Variants in LRIG1 observed in about 807,000 individuals in gnomAD.
LRIG1 encodes the protein leucine rich repeats and immunoglobulin like domains 1.
A neutral mutation model predicts 99.2 loss-of-function variants in LRIG1; 48 were observed. That is an observed-to-expected ratio of 0.48 (90% CI 0.38 to 0.62). The LOEUF (loss-of-function observed/expected upper bound fraction) is 0.62, where lower values mean the gene tolerates loss of function less well. LRIG1 is among the 20% of genes least tolerant of loss of function. The pLI is 0.00. For missense variants in LRIG1, 1,646 were observed against 1,434.4 expected, an observed-to-expected ratio of 1.15 and a Z score of -2.38; for synonymous variants, 772 against 596.1, an observed-to-expected ratio of 1.29 and a Z score of -4.30.
chr3:66,411,673 C>T (rs1342946896), intron 6 of LRIG1, among the ~76,000 whole-genome samples: 3 of 152,102 alleles, frequency 2.0e-5, no homozygotes, highest in South Asian at 4.1e-4. Context: ...GGGCCTAGCT[C>T]GTTTCCACTG....
intron 11 of LRIG1, among the ~76,000 whole-genome samples, chr3:66,395,609 G>A (rs536058907): frequency 2.5e-4 from 38 of 152,336 alleles, no homozygotes; most frequent in African/African-American, 7.9e-4. Context: ...CAGCATGAGA[G>A]TTTGCATTTT....
intron 3 of LRIG1, among the ~76,000 whole-genome samples, chr3:66,426,570 A>G (rs1395979837): frequency 6.6e-6 from 1 of 152,210 alleles, no homozygotes; most frequent in Non-Finnish European, 1.5e-5. Context: ...TCCAGTGCCC[A>G]TGTCAGACAT....
At chr3:66,434,766 A>C (rs531111123) in intron 3 of LRIG1, among the ~76,000 whole-genome samples, 9 of 151,704 alleles carry the variant, frequency 5.9e-5, no homozygotes, top group South Asian at 2.1e-4. Flanking sequence ...AAAAAAAAAA[A>C]AAAAAAAACA....
At position 66,398,151 on chromosome 3, in the gene LRIG1, T is replaced by G. The variant is rs781498429; in HGVS notation, c.1265A>C (p.Gln422Pro). ...CTTCATCTTCACAAAGGCATCAAAC[T>G]GGACAGATCTGATCGCATTCCCTCC... The part of the protein sequence containing the change: ...NLGGNAIRSV[Q>P]FDAFVKMKNL... The change falls in exon 11 of 19, where the codon CAG becomes CCG. Residue 422 changes from glutamine to proline, a missense_variant. Gln to Pro is a moderately conservative substitution (Grantham distance 76, BLOSUM62 -1). Transcript: ENST00000273261. 3.9e-5 allele frequency: 63 copies of G among 1,614,002 alleles called. No homozygotes were observed. In the East Asian group the frequency reaches 1.3e-3, roughly 34 times the overall value.
In LRIG1 at chr3:66,386,785, A is replaced by G. The variant is rs1289963718; in HGVS notation, c.1469-484T>C. The G allele has an allele frequency of 1.9e-5, 3 of 154,166 alleles. No individual in the cohort carries two copies. In the East Asian group the frequency reaches 5.8e-4, roughly 30 times the overall value. 9.5% of individuals were successfully genotyped at this position (154,166 alleles called of 1,614,324 possible). A position where few individuals can be genotyped will look rare whatever the true frequency, so the allele number is the denominator to read the frequency against. ...AACACCTGGAAAAATGGTCAAAAGC[A>G]ACTTTTTCAGAATTCTGGAAAACCA... On this transcript the variant is annotated intron_variant, in intron 12 of 18. Transcript: ENST00000273261.
chr3:66,407,689 G>C (rs1331690957), intron 7 of LRIG1, among the ~76,000 whole-genome samples, 198 bp from the exon 8 acceptor site: 1 of 152,218 alleles, frequency 6.6e-6, no homozygotes, highest in South Asian at 2.1e-4. Context: ...AAACTCATCA[G>C]TGCCCAACAC....
At chr3:66,482,149 G>T (rs758476682) in intron 1 of LRIG1, among the ~76,000 whole-genome samples, 91 of 152,260 alleles carry the variant, frequency 6.0e-4, no homozygotes, top group Non-Finnish European at 1.1e-3. Flanking sequence ...GATCAACAGA[G>T]CCACTGCAAC....
At chr3:66,424,931 A>G (rs1227176575) in intron 3 of LRIG1, among the ~76,000 whole-genome samples, 1 of 152,244 alleles carries the variant, frequency 6.6e-6, no homozygotes, top group Admixed American at 6.5e-5. Context: ...GAGTGTTCTG[A>G]GCACATTTAA....
chr3:66,421,383 A>AT lies in LRIG1; in HGVS notation c.366-4118dup, dbSNP rs1263059712. ...GCAAGCTAGTTACTTCATAGATACAATAGGGGTATCAGTATTGGGTAAATA... is the reference window on the plus strand; with the variant it reads ...GCAAGCTAGTTACTTCATAGATACAATTAGGGGTATCAGTATTGGGTAAATA... On this transcript the variant is annotated intron_variant, in intron 3 of 18. Coordinates refer to ENST00000273261, the MANE Select transcript of LRIG1 (RefSeq NM_015541.3). Among the ~76,000 whole-genome samples, 8 of 152,338 alleles carry AT rather than the reference A, an allele frequency of 5.3e-5. No homozygotes were observed. The East Asian group carries it at 1.5e-3, about 29-fold the overall frequency.
At chr3:66,420,023 G>T (rs556690363) in intron 3 of LRIG1, among the ~76,000 whole-genome samples, 1 of 152,128 alleles carries the variant, frequency 6.6e-6, no homozygotes, top group Admixed American at 6.5e-5. Flanking sequence ...GGCATCCCAC[G>T]GAATAAGAGA....
intron 2 of LRIG1, among the ~76,000 whole-genome samples, chr3:66,453,196 C>T (rs1703963248): frequency 6.6e-6 from 1 of 152,182 alleles, no homozygotes; most frequent in African/African-American, 2.4e-5. Flanking sequence ...AAACTAAGGT[C>T]GGGGACCTGC....
At chr3:66,423,610 A>G (rs1162683631) in intron 3 of LRIG1, among the ~76,000 whole-genome samples, 1 of 152,246 alleles carries the variant, frequency 6.6e-6, no homozygotes, top group Non-Finnish European at 1.5e-5. Flanking sequence ...CTCAGTTCAC[A>G]GCACTCCTCT....
rs1042682716 is a variant in LRIG1, at chr3:66,379,676, C to G, written c.*587G>C. The G allele has an allele frequency of 6.6e-6, 1 of 152,292 alleles. No individual in the cohort carries two copies. The highest frequency in any genetic ancestry group is 2.4e-5 in the African/African-American group (1 of 41,466). The allele number at this position is 152,292 out of a possible 1,614,324, so 9.4% of individuals were successfully genotyped here. A position where few individuals can be genotyped will look rare whatever the true frequency, so the allele number is the denominator to read the frequency against. ...GTGTGGATGGCACTTGCACCCCTGG[C>G]TCTACAGACAGGGAAGCCTGTTGCA... On this transcript the variant is annotated 3_prime_UTR_variant, in exon 19 of 19. Coordinates refer to ENST00000273261, the MANE Select transcript of LRIG1 (RefSeq NM_015541.3).
At chr3:66,401,588 TA>T (rs1702057797) in intron 9 of LRIG1, 1 of 1,460,294 alleles carries the variant, frequency 6.8e-7, no homozygotes, top group African/African-American at 1.4e-5. Flanking sequence ...ATCTTGTTGG[TA>T]GATTAGGCAG....
At chr3:66,467,637 A>G (rs976054023) in intron 1 of LRIG1, among the ~76,000 whole-genome samples, 4 of 152,364 alleles carry the variant, frequency 2.6e-5, no homozygotes, top group East Asian at 1.9e-4. Flanking sequence ...CTGGGATTAC[A>G]GGCGTGAGCC....
chr3:66,464,103 C>T (rs2106843914), intron 1 of LRIG1, among the ~76,000 whole-genome samples: 1 of 152,152 alleles, frequency 6.6e-6, no homozygotes, highest in Non-Finnish European at 1.5e-5. Context: ...AGAATTCTCC[C>T]ACATTAGAAA....
At position 66,455,208 on chromosome 3, in the gene LRIG1, G is replaced by A. The variant is rs865974266; in HGVS notation, c.291-3575C>T. ...GATCCGCCCTTCTCGGCCTCTCAATGTGCTGAGATTACAGGCGTGAGCCAC... is the reference window on the plus strand; with the variant it reads ...GATCCGCCCTTCTCGGCCTCTCAATATGCTGAGATTACAGGCGTGAGCCAC... On this transcript the variant is annotated intron_variant, in intron 2 of 18. Coordinates refer to ENST00000273261, the MANE Select transcript of LRIG1 (RefSeq NM_015541.3). Among the ~76,000 whole-genome samples the A allele has an allele frequency of 2.0e-5, 3 of 152,312 alleles. No individual in the cohort carries two copies. In the Middle Eastern group the frequency reaches 0.01, roughly 522 times the overall value.
At chr3:66,488,469 A>C (rs1258190040) in intron 1 of LRIG1, among the ~76,000 whole-genome samples, 3 of 144,560 alleles carry the variant, frequency 2.1e-5, no homozygotes, top group Admixed American at 1.4e-4. Context: ...TCTACTAAAA[A>C]AAAACAAAAA....
intron 12 of LRIG1, chr3:66,386,842 C>G (rs1047420559): frequency 6.6e-6 from 1 of 152,478 alleles, no homozygotes; most frequent in Admixed American, 6.5e-5. Context: ...ATTGTTGATT[C>G]AAGCAAATAG....
Sources: allele counts gnomAD v4.1 joint callset (sites outside exome capture counted in the v4.1 genomes callset), GRCh38; gene constraint gnomAD v4.1.1; transcripts MANE v1.5; gene names NCBI Gene and HGNC (gene_info 2026-07-23, HGNC 2026-07-21).